The following CDC23 variants were observed in gnomAD, a reference collection of about 807,000 sequenced individuals.
The protein encoded by CDC23 is cell division cycle 23, also known as cell division cycle protein 23 homolog.
CDC23 carries 26 observed loss-of-function variants against 81.7 expected under a neutral mutation model. The ratio of observed to expected loss-of-function variants is 0.32; its 90% confidence interval spans 0.23 to 0.44. The LOEUF is 0.44. CDC23 is among the 20% of genes least tolerant of loss of function. The pLI is 1.00. For missense variants in CDC23, 519 were observed against 728.0 expected (o/e 0.71, Z 3.30); for synonymous variants, 267 against 270.8 (o/e 0.99, Z 0.14).
intron 9 of CDC23, among the ~76,000 whole-genome samples, chr5:138,194,959 T>C (rs1382296429): frequency 1.3e-5 from 2 of 151,762 alleles, no homozygotes; most frequent in Non-Finnish European, 2.9e-5. Flanking sequence ...TGAGCTCAGG[T>C]GATCCACCCG....
intron 2 of CDC23, among the ~76,000 whole-genome samples, chr5:138,210,018 A>G (rs1012817477): frequency 6.6e-6 from 1 of 152,052 alleles, no homozygotes; most frequent in Non-Finnish European, 1.5e-5. Flanking sequence ...GTTCGAGACC[A>G]GCCTGGCCAA....
At chr5:138,200,668 A>T (rs1754977653) in intron 6 of CDC23, among the ~76,000 whole-genome samples, 1 of 152,002 alleles carries the variant, frequency 6.6e-6, no homozygotes, top group African/African-American at 2.4e-5. Flanking sequence ...AAAAATACAA[A>T]AATTAGCTGG....
In CDC23 at chr5:138,213,029, G is replaced by A. The variant is rs549603119; in HGVS notation, c.196C>T (p.Pro66Ser). The change falls in exon 2 of 16, where the codon CCT (proline) becomes TCT (serine). Residue 66 changes from proline (P) to serine (S), a missense_variant. By Grantham distance (74) the Pro-to-Ser change is moderately conservative. This residue lies in a region of CDC23 where 126 missense variants were observed against 116.2 expected (regional missense o/e 1.08). Coordinates refer to ENST00000394886, the MANE Select transcript of CDC23 (RefSeq NM_004661.4). ...GGAGGCGGTTGCAGCTCGGCCAGAG[G>A]CAATGCAGGGAGAGAGAAAGCCAAC... The part of the protein sequence containing the change: ...AELAFSLPAL[P>S]LAELQPPPPI... The A allele has an allele frequency of 1.2e-5, 19 of 1,613,830 alleles. No individual in the cohort carries two copies. In the East Asian group the frequency reaches 3.8e-4, roughly 32 times the overall value.
Position 138,188,919 on chromosome 5 carries a change from C to T in CDC23, c.*59G>A, listed in dbSNP as rs1581481615. 2.0e-6 allele frequency: 3 copies of T among 1,533,696 alleles called. No homozygotes were observed. The highest frequency in any genetic ancestry group is 2.3e-5 in the East Asian group (1 of 44,106). On this transcript the variant is annotated 3_prime_UTR_variant, in exon 16 of 16. Coordinates refer to ENST00000394886, the MANE Select transcript of CDC23 (RefSeq NM_004661.4). The stretch of plus-strand genomic sequence containing the variant: ...CTTGGAACAGACGTGCTGTTCTTTA[C>T]ATGGAGGTAAGGCTTAATTAAGATG...
chr5:138,201,539 G>T (rs952014864), intron 4 of CDC23, 91 bp from the exon 5 acceptor site: 6 of 888,730 alleles, frequency 6.8e-6, no homozygotes, highest in Admixed American at 3.0e-5. Context: ...TAGAGACAGG[G>T]TCTCGCTATG....
chr5:138,203,066 T>C (rs1283468476), intron 3 of CDC23, among the ~76,000 whole-genome samples: 3 of 152,120 alleles, frequency 2.0e-5, no homozygotes, highest in South Asian at 2.1e-4. Flanking sequence ...CTAGATGCGA[T>C]GCCCTGTGAA....
intron 15 of CDC23, 114 bp from the exon 16 acceptor site, chr5:138,189,262 G>GTTT: frequency 1.5e-5 from 11 of 740,116 alleles, no homozygotes; most frequent in Admixed American, 3.1e-5. Context: ...AGGCTTGCTT[G>GTTT]TTTTTTTTTT....
chr5:138,203,413 G>T (rs1171624908), intron 3 of CDC23, among the ~76,000 whole-genome samples: 1 of 151,812 alleles, frequency 6.6e-6, no homozygotes, highest in Non-Finnish European at 1.5e-5. Context: ...ATCTAAAACT[G>T]CTCTAAAAAA....
chr5:138,205,667 C>T (rs1457729250), intron 3 of CDC23, among the ~76,000 whole-genome samples: 4 of 144,916 alleles, frequency 2.8e-5, no homozygotes, highest in African/African-American at 1.0e-4. Flanking sequence ...CTGAACTGTA[C>T]ACTTTAAAAA....
rs1408379546 is a variant in CDC23 at position 138,187,971 on chromosome 5, T to C, written c.*1007A>G. The C allele has an allele frequency of 6.4e-6, 1 of 156,204 alleles. No homozygotes were observed. The highest frequency in any genetic ancestry group is 1.4e-5 in the Non-Finnish European group (1 of 70,462). The allele number at this position is 156,204 out of a possible 1,614,324, so 9.7% of individuals were successfully genotyped here. Reference sequence around the variant, plus strand: ...TCAGAATGATCCATAGCATCTACTGTGCAAATATATTACAGCAGACATTAT... The same window carrying C: ...TCAGAATGATCCATAGCATCTACTGCGCAAATATATTACAGCAGACATTAT... On this transcript the variant is annotated 3_prime_UTR_variant, in exon 16 of 16. Coordinates refer to ENST00000394886, the MANE Select transcript of CDC23 (RefSeq NM_004661.4).
At chr5:138,202,225 T>C in intron 3 of CDC23, 70 bp from the exon 4 acceptor site, 8 of 1,195,720 alleles carry the variant, frequency 6.7e-6, no homozygotes, top group Non-Finnish European at 9.7e-6. Context: ...ACTAGCATCC[T>C]GATCCTACCT....
Position 138,206,403 on chromosome 5 carries a change from A to T in CDC23, c.372+144T>A, listed in dbSNP as rs1208465099. The T allele has an allele frequency of 3.8e-6, 3 of 792,782 alleles. No homozygotes were observed. The Admixed American group carries it at 6.8e-5, about 18-fold the overall frequency. 49.1% of individuals were successfully genotyped at this position (792,782 alleles called of 1,614,324 possible). On this transcript the variant is annotated intron_variant, in intron 3 of 15. Transcript: ENST00000394886. ...ACCATCCTTTTTAACTTTATTTATGATATCTTTTTTTTATTATTGCTATGT... is the reference window on the plus strand; with the variant it reads ...ACCATCCTTTTTAACTTTATTTATGTTATCTTTTTTTTATTATTGCTATGT...
intron 9 of CDC23, among the ~76,000 whole-genome samples, chr5:138,195,426 A>G (rs1754873828): frequency 6.8e-6 from 1 of 147,186 alleles, no homozygotes; most frequent in African/African-American, 2.5e-5. Flanking sequence ...TATCTAAACC[A>G]GAATTTAAAA....
chr5:138,210,071 C>T (rs544042754), intron 2 of CDC23, among the ~76,000 whole-genome samples: 1 of 151,508 alleles, frequency 6.6e-6, no homozygotes, highest in African/African-American at 2.4e-5. Flanking sequence ...AAAAAATTAG[C>T]CAGGTGTTGT....
chr5:138,201,222 C>T lies in CDC23; in HGVS notation c.539G>A (p.Arg180Gln). The part of the protein sequence containing the change: ...FGLYLYGVVL[R>Q]KLDLVKEAID... ...GGCCTCTTTAACCAAGTCCAGTTTT[C>T]GAAGCACCACACCATACCTGGGAAA... The change falls in exon 6 of 16, where the codon CGA becomes CAA. Residue 180 changes from arginine (R) to glutamine (Q), a missense_variant. Transcript: ENST00000394886. 1.2e-6 allele frequency: 2 copies of T among 1,614,078 alleles called. No individual in the cohort carries two copies. Among genetic ancestry groups the T allele is most frequent in the Non-Finnish European group, 8.5e-7 (1 of 1,180,030 alleles).
At chr5:138,203,029 T>C (rs957314143) in intron 3 of CDC23, among the ~76,000 whole-genome samples, 2 of 152,082 alleles carry the variant, frequency 1.3e-5, no homozygotes, top group Non-Finnish European at 2.9e-5. Context: ...ACATTAGCAG[T>C]GAGGGGCTTA....
At chr5:138,207,826 A>G (rs1170407212) in intron 2 of CDC23, among the ~76,000 whole-genome samples, 1 of 151,880 alleles carries the variant, frequency 6.6e-6, no homozygotes, top group Non-Finnish European at 1.5e-5. Flanking sequence ...GCATGGTACT[A>G]TGTGCCGGGG....
chr5:138,203,587 G>A (rs949208055), intron 3 of CDC23, among the ~76,000 whole-genome samples: 1 of 152,174 alleles, frequency 6.6e-6, no homozygotes, highest in Non-Finnish European at 1.5e-5. Context: ...AGGGGGAAAT[G>A]CTATAGAAGA....
intron 2 of CDC23, among the ~76,000 whole-genome samples, chr5:138,207,911 T>G (rs1755070620): frequency 6.6e-6 from 1 of 151,088 alleles, no homozygotes; most frequent in African/African-American, 2.4e-5. Flanking sequence ...TCTGGTGACG[T>G]AGCAAGACTC....
Sources: allele counts gnomAD v4.1 joint callset (sites outside exome capture counted in the v4.1 genomes callset), GRCh38; gene constraint gnomAD v4.1.1; regional missense constraint gnomAD v4.1.1; transcripts MANE v1.5; gene names NCBI Gene and HGNC (gene_info 2026-07-23, HGNC 2026-07-21).